The following ZFAT variants were observed in gnomAD, a reference collection of about 807,000 sequenced individuals.
ZFAT encodes the protein zinc finger protein ZFAT.
ZFAT carries 64 observed loss-of-function variants against 117.7 expected under a neutral mutation model. The observed-to-expected ratio is 0.54, with a 90% CI of 0.44 to 0.67. The LOEUF (loss-of-function observed/expected upper bound fraction) is 0.67. ZFAT is among the 30% of genes least tolerant of loss of function. The pLI is 0.00. For missense variants in ZFAT, 1,433 were observed against 1,584.5 expected (o/e 0.90, Z 1.62); for synonymous variants, 679 against 615.0 (o/e 1.10, Z -1.54).
chr8:134,555,532 T>C (rs1823512029), intron 11 of ZFAT, among the ~76,000 whole-genome samples: 1 of 152,150 alleles, frequency 6.6e-6, no homozygotes, highest in Non-Finnish European at 1.5e-5. Context: ...ACCACACTAA[T>C]AACATATACT....
At chr8:134,807,436 TG>T in the ZFAT span, among the ~76,000 whole-genome samples, 1 of 135,996 alleles carries the variant, frequency 7.4e-6, no homozygotes, top group Non-Finnish European at 1.6e-5. Flanking sequence ...ATAAATATTC[TG>T]GAAAAAAAAC....
chr8:134,575,505 T>A (rs1825234322), intron 10 of ZFAT, among the ~76,000 whole-genome samples: 1 of 152,242 alleles, frequency 6.6e-6, no homozygotes, highest in Non-Finnish European at 1.5e-5. Flanking sequence ...GCAGCCAGGC[T>A]GACACCTTGA....
chr8:134,721,749 C>A, the ZFAT span, among the ~76,000 whole-genome samples: 1 of 152,160 alleles, frequency 6.6e-6, no homozygotes, highest in African/African-American at 2.4e-5. Flanking sequence ...GTGATTCTTA[C>A]ATATTGTACC....
At chr8:134,585,070 C>T (rs1479672896) in intron 9 of ZFAT, among the ~76,000 whole-genome samples, 1 of 152,112 alleles carries the variant, frequency 6.6e-6, no homozygotes, top group East Asian at 1.9e-4. Context: ...GCTGTGTGCC[C>T]TTGAACTTAT....
chr8:134,541,448 C>T (rs867652034), intron 11 of ZFAT, among the ~76,000 whole-genome samples: 3 of 152,156 alleles, frequency 2.0e-5, no homozygotes, highest in Non-Finnish European at 4.4e-5. Flanking sequence ...ACAGATGCAG[C>T]CCCTTCACCC....
the ZFAT span, among the ~76,000 whole-genome samples, chr8:134,799,768 T>G: frequency 6.6e-6 from 1 of 152,090 alleles, no homozygotes; most frequent in Admixed American, 6.6e-5. Flanking sequence ...TCAAAGCATT[T>G]CCATTAAACC....
At chr8:134,788,892 T>C in the ZFAT span, among the ~76,000 whole-genome samples, 1 of 152,128 alleles carries the variant, frequency 6.6e-6, no homozygotes, top group Non-Finnish European at 1.5e-5. Context: ...AAACTGTTTT[T>C]ATTTGGTTTG....
At chr8:134,484,497 T>C (rs1446995091) in intron 15 of ZFAT, among the ~76,000 whole-genome samples, 1 of 152,154 alleles carries the variant, frequency 6.6e-6, no homozygotes, top group Admixed American at 6.5e-5. Flanking sequence ...GCATTGTCTA[T>C]GGAGGAGAGT....
intron 11 of ZFAT, among the ~76,000 whole-genome samples, chr8:134,561,098 G>C (rs566406913): frequency 1.3e-5 from 2 of 152,312 alleles, no homozygotes; most frequent in East Asian, 3.9e-4. Context: ...GGATGACATG[G>C]AAATGCTTTT....
the ZFAT span, among the ~76,000 whole-genome samples, chr8:134,773,077 G>T: frequency 1.9e-5 from 2 of 105,312 alleles, no homozygotes; most frequent in East Asian, 5.3e-4. Flanking sequence ...CTGGGTAACA[G>T]AGCAAAATCC....
chr8:134,633,250 C>T (rs1302612778), intron 3 of ZFAT, among the ~76,000 whole-genome samples: 1 of 152,146 alleles, frequency 6.6e-6, no homozygotes, highest in African/African-American at 2.4e-5. Context: ...TAGTGCCTAC[C>T]TCTTAGCTGC....
At chr8:134,627,147 G>A (rs1829573265) in intron 3 of ZFAT, among the ~76,000 whole-genome samples, 1 of 152,174 alleles carries the variant, frequency 6.6e-6, no homozygotes, top group African/African-American at 2.4e-5. Flanking sequence ...GCCACGGGAG[G>A]CCCACCGGCA....
chr8:134,686,643 C>T (rs769951343), intron 1 of ZFAT, among the ~76,000 whole-genome samples: 2 of 152,152 alleles, frequency 1.3e-5, no homozygotes, highest in Non-Finnish European at 2.9e-5. Context: ...TGTGACCCTG[C>T]GCACACACAC....
chr8:134,678,020 C>A (rs1197322004), intron 1 of ZFAT, among the ~76,000 whole-genome samples: 1 of 152,190 alleles, frequency 6.6e-6, no homozygotes, highest in South Asian at 2.1e-4. Context: ...TGGAAGCATT[C>A]CCTTTGAAAA....
chr8:134,795,410 C>T, the ZFAT span: 1 of 152,100 alleles, frequency 6.6e-6, no homozygotes, highest in Admixed American at 6.5e-5. Flanking sequence ...CCTTTCCTCC[C>T]CATCATATAT....
the ZFAT span, among the ~76,000 whole-genome samples, chr8:134,832,027 C>T: frequency 6.7e-6 from 1 of 150,122 alleles, no homozygotes; most frequent in Non-Finnish European, 1.5e-5. Context: ...CGGCCCGCCG[C>T]GGCCCCCACC....
chr8:134,652,479 T>C (rs777064975), intron 2 of ZFAT, among the ~76,000 whole-genome samples: 1 of 152,198 alleles, frequency 6.6e-6, no homozygotes, highest in Non-Finnish European at 1.5e-5. Flanking sequence ...TAAATCTAAA[T>C]GAACACTTAC....
At chr8:134,530,174 CTT>C (rs1009444634) in intron 12 of ZFAT, among the ~76,000 whole-genome samples, 13 of 152,152 alleles carry the variant, frequency 8.5e-5, no homozygotes, top group African/African-American at 3.1e-4. Context: ...CTGTAAAATC[CTT>C]TTGAGAAAAA....
intron 2 of ZFAT, among the ~76,000 whole-genome samples, chr8:134,638,714 C>T (rs912058658): frequency 2.7e-5 from 4 of 150,458 alleles, no homozygotes; most frequent in Admixed American, 6.6e-5. Context: ...GGCAACAGAG[C>T]GAGACTCCAT....
Sources: gnomAD v4.1 joint callset for allele counts (sites outside exome capture counted in the v4.1 genomes callset) on GRCh38, gnomAD v4.1.1 for gene constraint, MANE v1.5 for transcripts, NCBI Gene and HGNC (gene_info 2026-07-23, HGNC 2026-07-21) for gene names.